The following MAP1LC3A variants were observed in gnomAD, a reference collection of about 807,000 sequenced individuals.
MAP1LC3A encodes the protein microtubule-associated protein 1 light chain 3 alpha.
A neutral mutation model predicts 15.2 loss-of-function variants in MAP1LC3A; 10 were observed. The observed-to-expected ratio is 0.66, with a 90% CI of 0.41 to 1.12. The LOEUF is 1.12. Ranked by LOEUF, MAP1LC3A falls within the 50% of genes most tolerant of loss-of-function variation. The pLI, the probability that MAP1LC3A is intolerant of heterozygous loss-of-function variation, is 0.00. For missense variants in MAP1LC3A, 138 were observed against 167.3 expected, an observed-to-expected ratio of 0.82 and a Z score of 0.97; for synonymous variants, 63 against 64.3, an observed-to-expected ratio of 0.98 and a Z score of 0.10.
chr20:34,555,641 G>A (rs917318783), upstream of MAP1LC3A, among the ~76,000 whole-genome samples: 1 of 151,750 alleles, frequency 6.6e-6, no homozygotes, highest in Admixed American at 6.6e-5. Context: ...ATGTAATAAG[G>A]CTATAAATCT....
At chr20:34,550,591 T>G (rs1981911847) in intron 2 of MAP1LC3A, among the ~76,000 whole-genome samples, 1 of 152,028 alleles carries the variant, frequency 6.6e-6, no homozygotes, top group Admixed American at 6.6e-5. Context: ...GAGATACCAC[T>G]ACACACCCGC....
chr20:34,550,585 T>C (rs1981911025), intron 2 of MAP1LC3A, among the ~76,000 whole-genome samples: 1 of 152,098 alleles, frequency 6.6e-6, no homozygotes, highest in Non-Finnish European at 1.5e-5. Context: ...CACAGTGAGA[T>C]ACCACTACAC....
chr20:34,547,267 C>T (rs951696031), intron 1 of MAP1LC3A, among the ~76,000 whole-genome samples: 4 of 151,690 alleles, frequency 2.6e-5, no homozygotes, highest in East Asian at 3.9e-4. Context: ...CAGGTTAAGG[C>T]GGCAGAAGAA....
chr20:34,559,129 C>A, intron 1 of MAP1LC3A, 79 bp from the exon 2 acceptor site: 1 of 1,399,442 alleles, frequency 7.1e-7, no homozygotes, highest in Non-Finnish European at 9.3e-7. Flanking sequence ...GGGGCGTGGC[C>A]GGGGGCCGCC....
upstream of MAP1LC3A, among the ~76,000 whole-genome samples, chr20:34,556,452 T>A (rs528771946): frequency 2.6e-5 from 4 of 152,230 alleles, no homozygotes; most frequent in African/African-American, 9.6e-5. Context: ...TTGGGGTTCA[T>A]TGATCTTGAT....
rs1007147940 is a variant in MAP1LC3A, at chr20:34,560,178, GCCTGTCTGC to G, written c.*283_*291del. 3.2e-5 allele frequency: 5 copies of G among 155,136 alleles called. No individual in the cohort carries two copies. The highest frequency in any genetic ancestry group is 6.2e-5 in the South Asian group (1 of 16,058). 9.6% of individuals were successfully genotyped at this position (155,136 alleles called of 1,614,324 possible). ...TGGTTCATCTTTTTTTTAGGCCCCTGCCTGTCTGCCCATCTGCCCCTCACCCACCCGAGG... is the reference window on the plus strand; with the variant it reads ...TGGTTCATCTTTTTTTTAGGCCCCTGCCATCTGCCCCTCACCCACCCGAGG... On this transcript the variant is annotated 3_prime_UTR_variant, in exon 4 of 4. Transcript: ENST00000360668.
chr20:34,555,870 TCTCG>T (rs1196890575), upstream of MAP1LC3A, among the ~76,000 whole-genome samples: 10 of 146,778 alleles, frequency 6.8e-5, no homozygotes, highest in East Asian at 2.0e-3. Flanking sequence ...TTTGATGGAG[TCTCG>T]CTCTGTCGCC....
chr20:34,559,471 GC>G lies in MAP1LC3A; in HGVS notation c.203+20del. On this transcript the variant is annotated intron_variant, in intron 3 of 3. Transcript: ENST00000360668. ...ATCATCCGGTGCGTGGGCAGCCGCC[GC>G]CAGGAGGTGGCTAGGGTCGGGAGGG... 6.2e-7 allele frequency: 1 copy of G among 1,601,864 alleles called. No individual in the cohort carries two copies. Among genetic ancestry groups the G allele is most frequent in the Non-Finnish European group, 8.5e-7 (1 of 1,172,234 alleles).
intron 3 of MAP1LC3A, 24 bp downstream of exon 3, chr20:34,559,477 A>T (rs1442312094): frequency 1.2e-5 from 19 of 1,595,886 alleles, no homozygotes; most frequent in Middle Eastern, 1.8e-4. Context: ...CGCCGCCAGG[A>T]GGTGGCTAGG....
chr20:34,559,402 A>G lies in MAP1LC3A; in HGVS notation c.152A>G (p.Lys51Arg), dbSNP rs1982331549. 3.1e-6 allele frequency: 5 copies of G among 1,613,316 alleles called. No homozygotes were observed. Among genetic ancestry groups the G allele is most frequent in the Non-Finnish European group, 4.2e-6 (5 of 1,179,732 alleles). The stretch of plus-strand genomic sequence containing the variant: ...CAGCTGCCCGTCCTGGACAAGACCA[A>G]GTTTTTGGTCCCGGACCATGTCAAC... ...EKQLPVLDKTKFLVPDHVNMS... is the reference protein window; with the variant it reads ...EKQLPVLDKTRFLVPDHVNMS... Residue 51 changes from lysine (K) to arginine (R), a missense_variant, in exon 3 of 4, where the codon AAG (lysine) becomes AGG (arginine). Lys to Arg is a conservative substitution (Grantham distance 26). Transcript: ENST00000360668.
At chr20:34,550,668 G>A (rs746672313) in intron 2 of MAP1LC3A, among the ~76,000 whole-genome samples, 9 of 152,208 alleles carry the variant, frequency 5.9e-5, no homozygotes, top group African/African-American at 1.9e-4. Context: ...TGGAACTCCC[G>A]CACATCGCTG....
upstream of MAP1LC3A, chr20:34,558,331 TC>T: frequency 4.1e-6 from 4 of 986,602 alleles, no homozygotes; most frequent in Non-Finnish European, 4.8e-6. The surrounding 1 kb of genome is among the most constrained non-coding windows in gnomAD (Gnocchi z 4.3). Context: ...CTCCCTTCTC[TC>T]GCCCTAAGCC....
intron 1 of MAP1LC3A, among the ~76,000 whole-genome samples, chr20:34,547,941 G>T (rs1981801450): frequency 6.6e-6 from 1 of 152,184 alleles, no homozygotes; most frequent in South Asian, 2.1e-4. Flanking sequence ...ATAGGCGGGG[G>T]TCAGTGTGCT....
intron 2 of MAP1LC3A, chr20:34,550,042 C>A: frequency 6.2e-7 from 1 of 1,613,860 alleles, no homozygotes; most frequent in Non-Finnish European, 8.5e-7. Flanking sequence ...CTGTCTGGCC[C>A]GCCTGCCGTT....
upstream of MAP1LC3A, among the ~76,000 whole-genome samples, chr20:34,555,326 G>GT (rs1418175396): frequency 6.6e-6 from 1 of 151,908 alleles, no homozygotes; most frequent in Admixed American, 6.6e-5. Flanking sequence ...TGTATTTTTA[G>GT]TAGAGACAGG....
upstream of MAP1LC3A, among the ~76,000 whole-genome samples, chr20:34,553,841 G>A (rs187980890): frequency 8.7e-3 from 1,320 of 152,270 alleles, 8 homozygotes; most frequent in Non-Finnish European, 0.015. Context: ...ATTAAACAGG[G>A]TGTGGTTCTG....
chr20:34,547,422 T>C (rs1408638060), intron 1 of MAP1LC3A, among the ~76,000 whole-genome samples: 4 of 149,486 alleles, frequency 2.7e-5, no homozygotes, highest in African/African-American at 9.8e-5. Flanking sequence ...CCCACCTTTT[T>C]TTTTTTTTTT....
upstream of MAP1LC3A, among the ~76,000 whole-genome samples, chr20:34,554,444 G>T (rs148806580): frequency 0.02 from 2,740 of 135,926 alleles, 246 homozygotes; most frequent in Admixed American, 0.17. Context: ...CGCGATCTCG[G>T]TTCACTGCAA....
At chr20:34,552,041 C>T (rs1232080426) in intron 2 of MAP1LC3A, among the ~76,000 whole-genome samples, 1 of 152,148 alleles carries the variant, frequency 6.6e-6, no homozygotes, top group African/African-American at 2.4e-5. Flanking sequence ...CTCTGTCACC[C>T]AGGCTAGAGT....
Sources: gnomAD v4.1 joint callset for allele counts (sites outside exome capture counted in the v4.1 genomes callset) on GRCh38, gnomAD v4.1.1 for gene constraint, Gnocchi (gnomAD v3.1) non-coding constraint, MANE v1.5 for transcripts, NCBI Gene and HGNC (gene_info 2026-07-23, HGNC 2026-07-21) for gene names.